UNG: variants seen among roughly 807,000 people sequenced by gnomAD.
UNG encodes uracil DNA glycosylase.
A neutral mutation model predicts 36.5 loss-of-function variants in UNG; 34 were observed. The ratio of observed to expected loss-of-function variants is 0.93; its 90% CI spans 0.71 to 1.24. The LOEUF is 1.24. Among genes scored for constraint, UNG ranks in the 50% most tolerant of loss-of-function variants. The probability of loss-of-function intolerance (pLI) is 0.00; values close to 1 mark genes in which losing one functional copy is unlikely to be tolerated. For missense variants in UNG, 391 were observed against 397.6 expected, an observed-to-expected ratio of 0.98 and a Z score of 0.14; for synonymous variants, 172 against 157.8, an observed-to-expected ratio of 1.09 and a Z score of -0.67.
intron 6 of UNG, among the ~76,000 whole-genome samples, chr12:109,104,170 C>T (rs758267109): frequency 9.9e-5 from 15 of 151,776 alleles, no homozygotes; most frequent in Non-Finnish European, 1.3e-4. Flanking sequence ...CTCAGCCTCC[C>T]GAGTAGCTGG....
chr12:109,108,487 C>T (rs2042234979), intron 6 of UNG, among the ~76,000 whole-genome samples: 1 of 152,058 alleles, frequency 6.6e-6, no homozygotes, highest in East Asian at 1.9e-4. Context: ...AAAAAATTAG[C>T]CTGGTGTAGT....
chr12:109,098,749 C>G, intron 2 of UNG, 111 bp downstream of exon 2: 1 of 1,349,266 alleles, frequency 7.4e-7, no homozygotes, highest in Non-Finnish European at 1.0e-6. Flanking sequence ...GGTTGTACCC[C>G]CTTCAACCTC....
chr12:109,098,714 C>T, intron 2 of UNG, 76 bp downstream of exon 2: 2 of 1,595,498 alleles, frequency 1.3e-6, no homozygotes, highest in Non-Finnish European at 1.7e-6. Flanking sequence ...GTGTAGCCGG[C>T]CAAGTTCATG....
At position 109,106,050 on chromosome 12, in the gene UNG, T is replaced by C. The variant is rs1444673721; in HGVS notation, c.801+2439T>C. Among the ~76,000 whole-genome samples the C allele has an allele frequency of 2.0e-5, 3 of 152,220 alleles. No homozygotes were observed. In the South Asian group the frequency reaches 6.2e-4, roughly 32 times the overall value. ...TATCCTGCTTTCTCTGCCTACAGTG[T>C]AGAGGTCATTTTCTTCTGGGATTCT... On this transcript the variant is annotated intron_variant, in intron 6 of 6. Transcript: ENST00000242576.
Sources: allele counts gnomAD v4.1 joint callset (sites outside exome capture counted in the v4.1 genomes callset), GRCh38; gene constraint gnomAD v4.1.1; transcripts MANE v1.5; gene names NCBI Gene and HGNC (gene_info 2026-07-23, HGNC 2026-07-21).